Variants in NXNL2 observed in about 807,000 individuals in gnomAD.
NXNL2 encodes nucleoredoxin like 2, also known as nucleoredoxin-like protein 2.
NXNL2 carries 7 observed loss-of-function variants against 11.1 expected under a neutral mutation model. The observed-to-expected ratio is 0.63, with a 90% confidence interval of 0.36 to 1.18. The LOEUF (loss-of-function observed/expected upper bound fraction) is 1.18, where lower values mean the gene tolerates loss of function less well. Ranked by LOEUF, NXNL2 falls within the 50% of genes most tolerant of loss-of-function variation. The pLI, the probability that NXNL2 is intolerant of heterozygous loss-of-function variation, is 0.02. For missense variants in NXNL2, 233 were observed against 217.7 expected (o/e 1.07, Z -0.44); for synonymous variants, 109 against 101.8 (o/e 1.07, Z -0.42).
downstream of NXNL2, among the ~76,000 whole-genome samples, chr9:88,577,931 G>A (rs1336048145): frequency 6.6e-6 from 1 of 152,220 alleles, no homozygotes; most frequent in Non-Finnish European, 1.5e-5. Flanking sequence ...GCAGTGTCCT[G>A]CTGTGGGACC....
chr9:88,569,903 T>G (rs988811444), intron 1 of NXNL2, among the ~76,000 whole-genome samples: 2 of 152,172 alleles, frequency 1.3e-5, no homozygotes, highest in Admixed American at 6.5e-5. Context: ...TGTATGCTAT[T>G]TCTTCTGCAC....
intron 1 of NXNL2, among the ~76,000 whole-genome samples, chr9:88,582,518 T>G (rs576523893): frequency 6.6e-6 from 1 of 152,128 alleles, no homozygotes; most frequent in South Asian, 2.1e-4. Context: ...GTTGGGAGAT[T>G]GCACCATTAG....
At chr9:88,579,655 C>T (rs1587859001), downstream of NXNL2, among the ~76,000 whole-genome samples, 1 of 152,284 alleles carries the variant, frequency 6.6e-6, no homozygotes, top group South Asian at 2.1e-4. Context: ...CACCTCTTTT[C>T]TAGGGCTGGA....
intron 1 of NXNL2, among the ~76,000 whole-genome samples, chr9:88,550,545 G>A (rs1302853667): frequency 6.6e-6 from 1 of 152,220 alleles, no homozygotes; most frequent in Non-Finnish European, 1.5e-5. Context: ...CATTGGTTTG[G>A]CCTAAAAAGG....
intron 1 of NXNL2, chr9:88,570,998 C>T: frequency 2.8e-6 from 1 of 354,516 alleles, no homozygotes; most frequent in Admixed American, 3.7e-5. Flanking sequence ...CCGAGTTGGC[C>T]TCCCAAAGTG....
downstream of NXNL2, among the ~76,000 whole-genome samples, chr9:88,549,774 G>T (rs946914933): frequency 1.3e-5 from 2 of 152,188 alleles, no homozygotes; most frequent in Non-Finnish European, 2.9e-5. Context: ...GGTGAAAGGC[G>T]AGCAGGCATG....
chr9:88,563,851 G>T (rs1051989575), intron 1 of NXNL2, among the ~76,000 whole-genome samples: 1 of 152,006 alleles, frequency 6.6e-6, no homozygotes, highest in Non-Finnish European at 1.5e-5. Flanking sequence ...TCTCCTCAGA[G>T]GACCCTTCCC....
chr9:88,535,831 GC>G (rs150222723), intron 1 of NXNL2, 95 bp downstream of exon 1: 827 of 883,688 alleles, frequency 9.4e-4, no homozygotes, highest in African/African-American at 1.3e-3. Context: ...TCTTTATGAC[GC>G]CCCCCCCCAA....
chr9:88,549,617 C>G (rs1476925960), downstream of NXNL2, among the ~76,000 whole-genome samples: 1 of 152,142 alleles, frequency 6.6e-6, no homozygotes, highest in African/African-American at 2.4e-5. Flanking sequence ...ACTCCTGGCC[C>G]TGTGAGTGGT....
In NXNL2 at chr9:88,540,166, A is replaced by G. The variant is rs1006961042; in HGVS notation, c.303-4213A>G. Among the ~76,000 whole-genome samples the G allele has an allele frequency of 3.3e-5, 5 of 151,952 alleles. No individual in the cohort carries two copies. The South Asian group carries it at 8.3e-4, about 25-fold the overall frequency. On this transcript the variant is annotated intron_variant, in intron 1 of 1. Coordinates refer to ENST00000375854, the MANE Select transcript of NXNL2 (RefSeq NM_001161625.2). ...GCTAACACGGTGAAACCCTGTCTCT[A>G]CTAAAAATACAAAAAATTAGCCAGG...
At chr9:88,535,876 C>T in intron 1 of NXNL2, 140 bp downstream of exon 1, 5 of 674,016 alleles carry the variant, frequency 7.4e-6, no homozygotes, top group Middle Eastern at 4.2e-4. Context: ...GTCCGGACTC[C>T]GGTAAATCAC....
chr9:88,557,995 T>C (rs1830040289), intron 1 of NXNL2, among the ~76,000 whole-genome samples: 1 of 152,208 alleles, frequency 6.6e-6, no homozygotes, highest in Non-Finnish European at 1.5e-5. Flanking sequence ...AATATATATT[T>C]GGGCTTCATC....
At chr9:88,549,465 G>A (rs775135936), downstream of NXNL2, among the ~76,000 whole-genome samples, 3 of 152,138 alleles carry the variant, frequency 2.0e-5, no homozygotes, top group Non-Finnish European at 4.4e-5. Flanking sequence ...AGTCTGAAAA[G>A]CCTCCATTCT....
exon 3 of NXNL2, chr9:88,575,395 A>T (rs923307016): frequency 6.4e-5 from 10 of 155,586 alleles, no homozygotes; most frequent in African/African-American, 2.4e-4. Context: ...AACGTGGTAC[A>T]TATACACAAT....
intron 1 of NXNL2, among the ~76,000 whole-genome samples, chr9:88,582,626 T>C (rs1341650441): frequency 1.3e-5 from 2 of 151,364 alleles, no homozygotes; most frequent in Admixed American, 6.6e-5. Context: ...CTTCCTTCCT[T>C]CCTCCCTCCT....
At chr9:88,573,897 G>A (rs190782802) in intron 2 of NXNL2, among the ~76,000 whole-genome samples, 3 of 152,302 alleles carry the variant, frequency 2.0e-5, no homozygotes, top group East Asian at 3.9e-4. Flanking sequence ...GTTATCAAAT[G>A]AATGCAAATC....
chr9:88,559,755 A>G (rs1478458091), intron 1 of NXNL2, among the ~76,000 whole-genome samples: 1 of 152,194 alleles, frequency 6.6e-6, no homozygotes, highest in Non-Finnish European at 1.5e-5. Context: ...CTGAAATTGC[A>G]AAACAAATGG....
At chr9:88,570,351 C>G (rs1394982278) in intron 1 of NXNL2, among the ~76,000 whole-genome samples, 1 of 152,200 alleles carries the variant, frequency 6.6e-6, no homozygotes, top group African/African-American at 2.4e-5. Flanking sequence ...TTCCAGACCT[C>G]AAGCGATCCC....
chr9:88,578,151 G>A (rs1035350136), downstream of NXNL2, among the ~76,000 whole-genome samples: 6 of 152,228 alleles, frequency 3.9e-5, no homozygotes, highest in Admixed American at 2.6e-4. Flanking sequence ...AAGTGCAGGC[G>A]CTGTTAATCT....
Sources: allele counts gnomAD v4.1 joint callset (sites outside exome capture counted in the v4.1 genomes callset), GRCh38; gene constraint gnomAD v4.1.1; transcripts MANE v1.5; gene names NCBI Gene and HGNC (gene_info 2026-07-23, HGNC 2026-07-21).